The following PKHD1L1 variants were observed in gnomAD, a reference collection of about 807,000 sequenced individuals.
PKHD1L1 encodes the protein PKHD1 like 1.
A neutral mutation model predicts 462.9 loss-of-function variants in PKHD1L1; 434 were observed. The ratio of observed to expected loss-of-function variants is 0.94; its 90% CI spans 0.87 to 1.02. PKHD1L1 has a LOEUF of 1.02. Among genes scored for constraint, PKHD1L1 ranks in the 50% least tolerant of loss-of-function variants. The probability of loss-of-function intolerance (pLI) is 0.00; values close to 1 mark genes in which losing one functional copy is unlikely to be tolerated. For synonymous variants in PKHD1L1, 1,781 were observed against 1,750.0 expected (o/e 1.02, Z -0.44); for missense variants, 5,202 against 5,096.1 (o/e 1.02, Z -0.63).
At chr8:109,507,564 A>G in intron 68 of PKHD1L1, 99 bp from the exon 69 acceptor site, 1 of 998,852 alleles carries the variant, frequency 1.0e-6, no homozygotes, top group South Asian at 1.6e-5. Flanking sequence ...ATAAAATTCA[A>G]TAGATCAATT....
Position 109,483,077 on chromosome 8 carries a change from T to A in PKHD1L1, c.9548T>A (p.Leu3183Gln). The change falls in exon 57 of 78, where the codon CTG becomes CAG. Residue 3183 changes from leucine to glutamine, a missense_variant. Leu to Gln is a moderately radical substitution (Grantham distance 113). Transcript: ENST00000378402. ...SETAFAGSKV[L>Q]SLMDAVDWQE... ...ACTGCATTTGCAGGTTCCAAAGTCC[T>A]GTCTCTGATGGATGCTGTGGATTGG... The A allele has an allele frequency of 6.3e-7, 1 of 1,599,364 alleles. No homozygotes were observed. Among genetic ancestry groups the A allele is most frequent in the Non-Finnish European group, 8.5e-7 (1 of 1,172,796 alleles).
At chr8:109,500,475 G>C (rs1819343021) in intron 67 of PKHD1L1, among the ~76,000 whole-genome samples, 1 of 137,158 alleles carries the variant, frequency 7.3e-6, no homozygotes, top group South Asian at 2.3e-4. Flanking sequence ...AGGAGTTCAA[G>C]ACCAGTTTGG....
At chr8:109,463,977 A>C (rs1817276829) in intron 48 of PKHD1L1, among the ~76,000 whole-genome samples, 1 of 152,186 alleles carries the variant, frequency 6.6e-6, no homozygotes, top group Admixed American at 6.5e-5. Flanking sequence ...AAAAAGCAGA[A>C]GAGTCAAAGA....
In PKHD1L1 at chr8:109,427,988, A is replaced by T. The variant is rs563649930; in HGVS notation, c.3000+832A>T. On this transcript the variant is annotated intron_variant, in intron 25 of 77. Transcript: ENST00000378402. Reference sequence around the variant, plus strand: ...GCCGAGATTGTGCCATTGCCATTGCACTCCAGCCTGGGCAACAAGAGCAAA... The same window carrying T: ...GCCGAGATTGTGCCATTGCCATTGCTCTCCAGCCTGGGCAACAAGAGCAAA... Among the ~76,000 whole-genome samples the T allele has an allele frequency of 5.3e-5, 7 of 132,620 alleles. No individual in the cohort carries two copies. The East Asian group carries it at 1.3e-3, about 25-fold the overall frequency. The allele number at this position is 132,620 out of a possible 152,430, so 87.0% of individuals were successfully genotyped here. A position where few individuals can be genotyped will look rare whatever the true frequency, so the allele number is the denominator to read the frequency against.
chr8:109,503,343 G>A (rs1819533387), intron 67 of PKHD1L1, among the ~76,000 whole-genome samples: 1 of 151,888 alleles, frequency 6.6e-6, no homozygotes, highest in Non-Finnish European at 1.5e-5. Flanking sequence ...CCGCAGCTAT[G>A]GGTGGTTTGC....
intron 25 of PKHD1L1, 90 bp from the exon 26 acceptor site, chr8:109,429,250 A>G: frequency 1.8e-6 from 2 of 1,109,234 alleles, no homozygotes; most frequent in Non-Finnish European, 2.5e-6. Context: ...ACTTTTATTC[A>G]CCTTTGCCTA....
rs765642464 is a variant in PKHD1L1 at position 109,498,478 on chromosome 8, G to A, written c.10616G>A (p.Gly3539Glu). Residue 3539 changes from glycine to glutamate, a missense_variant, in exon 66 of 78, where the codon GGA becomes GAA. By Grantham distance (98) the Gly-to-Glu change is moderately conservative (BLOSUM62 -2). This residue lies in a region of PKHD1L1 where 4,497 missense variants were observed against 4,336.8 expected (regional missense o/e 1.04). Coordinates refer to ENST00000378402, the MANE Select transcript of PKHD1L1 (RefSeq NM_177531.6). ...TCCAAACAGAGCTCATTAATTGTTG[G>A]AAGTAGCCCTGGGTTTAATTGCTCT... ...NVQIKSSLIV[G>E]SSPGFNCSDV... 6.2e-7 allele frequency: 1 copy of A among 1,610,202 alleles called. No homozygotes were observed. The highest frequency in any genetic ancestry group is 1.7e-5 in the Admixed American group (1 of 60,008).
chr8:109,377,471 T>C (rs1811897859), intron 2 of PKHD1L1, among the ~76,000 whole-genome samples: 1 of 152,180 alleles, frequency 6.6e-6, no homozygotes, highest in Non-Finnish European at 1.5e-5. Context: ...ACAAATTTGC[T>C]AGTGCAAAAG....
At position 109,429,403 on chromosome 8, in the gene PKHD1L1, G is replaced by A. The variant is rs1814959950; in HGVS notation, c.3064G>A (p.Gly1022Ser). 6.3e-7 allele frequency: 1 copy of A among 1,597,608 alleles called. No individual in the cohort carries two copies. The stretch of plus-strand genomic sequence containing the variant: ...GACAGTTACAAGGATAAAGGAAGGT[G>A]GCTTATTCAGACAACATGTACTTGG... ...NMTVTRIKEG[G>S]LFRQHVLGDL... is the part of the protein sequence containing the mutation. Residue 1022 changes from glycine (G) to serine (S), a missense_variant, in exon 26 of 78, where the codon GGC (glycine) becomes AGC (serine). Transcript: ENST00000378402.
intron 1 of PKHD1L1, among the ~76,000 whole-genome samples, 158 bp from the exon 2 acceptor site, chr8:109,364,389 T>A (rs191746883): frequency 4.7e-4 from 72 of 152,388 alleles, no homozygotes; most frequent in South Asian, 3.7e-3. Context: ...TGTCAAGTCA[T>A]TGGCAGAGCC....
At chr8:109,487,432 C>T (rs552645938) in intron 59 of PKHD1L1, among the ~76,000 whole-genome samples, 47 of 146,140 alleles carry the variant, frequency 3.2e-4, no homozygotes, top group African/African-American at 1.2e-3. Context: ...CCCCAGTATC[C>T]TCCCTCCCTC....
At chr8:109,496,726 T>C (rs535444965) in intron 63 of PKHD1L1, among the ~76,000 whole-genome samples, 193 bp from the exon 64 acceptor site, 2 of 152,272 alleles carry the variant, frequency 1.3e-5, no homozygotes, top group Admixed American at 1.3e-4. Context: ...CTCAAGAACA[T>C]TTAAAGAAAA....
At chr8:109,454,964 A>G in intron 45 of PKHD1L1, 112 bp downstream of exon 45, 2 of 1,341,762 alleles carry the variant, frequency 1.5e-6, no homozygotes, top group Non-Finnish European at 2.0e-6. Flanking sequence ...AAAGTGTGTT[A>G]GGCTTCTCAT....
chr8:109,379,299 C>T (rs1811993847), intron 2 of PKHD1L1, among the ~76,000 whole-genome samples: 1 of 152,206 alleles, frequency 6.6e-6, no homozygotes, highest in South Asian at 2.1e-4. Flanking sequence ...CCTCTTTCTA[C>T]AGTTCTCTGT....
chr8:109,373,215 T>C (rs938138460), intron 2 of PKHD1L1, among the ~76,000 whole-genome samples: 7 of 152,214 alleles, frequency 4.6e-5, no homozygotes, highest in Non-Finnish European at 8.8e-5. Flanking sequence ...ATTCAACTTC[T>C]TCCTGGTTTA....
chr8:109,390,873 T>C (rs1812680596), intron 9 of PKHD1L1, among the ~76,000 whole-genome samples: 1 of 152,198 alleles, frequency 6.6e-6, no homozygotes. Flanking sequence ...ATAAAGATTT[T>C]CTTTTAAGTT....
At chr8:109,510,679 G>C (rs764740763) in intron 70 of PKHD1L1, 98 bp from the exon 71 acceptor site, 33 of 1,406,274 alleles carry the variant, frequency 2.3e-5, no homozygotes, top group Non-Finnish European at 3.1e-5. Flanking sequence ...ATTTGAACTT[G>C]ACCACTGCAA....
intron 46 of PKHD1L1, among the ~76,000 whole-genome samples, chr8:109,458,796 ATATAT>A: frequency 6.6e-6 from 1 of 152,232 alleles, no homozygotes; most frequent in South Asian, 2.1e-4. Flanking sequence ...TTAGTAGATA[ATATAT>A]TATACAATCA....
chr8:109,521,299 G>A (rs1044740011), intron 73 of PKHD1L1, among the ~76,000 whole-genome samples: 1 of 152,108 alleles, frequency 6.6e-6, no homozygotes, highest in East Asian at 1.9e-4. Context: ...AATATAGAAG[G>A]TACAGGATAC....
Sources: gnomAD v4.1 joint callset for allele counts (sites outside exome capture counted in the v4.1 genomes callset) on GRCh38, gnomAD v4.1.1 for gene constraint, gnomAD v4.1.1 regional missense constraint, MANE v1.5 for transcripts, NCBI Gene and HGNC (gene_info 2026-07-23, HGNC 2026-07-21) for gene names.